AGBL3: variants seen among roughly 807,000 people sequenced by gnomAD.
The protein encoded by AGBL3 is AGBL carboxypeptidase 3.
Under a neutral mutation model 94.5 loss-of-function variants are expected in AGBL3, and 68 were observed. The observed-to-expected ratio is 0.72, with a 90% CI of 0.59 to 0.88. The LOEUF (loss-of-function observed/expected upper bound fraction) is 0.88, where lower values mean the gene tolerates loss of function less well. AGBL3 is among the 40% of genes least tolerant of loss of function. The pLI, the probability that AGBL3 is intolerant of heterozygous loss-of-function variation, is 0.00. For synonymous variants in AGBL3, 354 were observed against 370.7 expected (o/e 0.95, Z 0.52); for missense variants, 934 against 1,103.8 (o/e 0.85, Z 2.18).
intron 15 of AGBL3, among the ~76,000 whole-genome samples, chr7:135,104,699 A>G (rs1585138449): frequency 6.6e-6 from 1 of 151,130 alleles, no homozygotes; most frequent in South Asian, 2.1e-4. Context: ...GCTTTATTTC[A>G]TATGCCTTTT....
At position 134,987,991 on chromosome 7, in the gene AGBL3, G is replaced by A. The variant is rs1452966048; in HGVS notation, c.58G>A (p.Glu20Lys). The change falls in exon 2 of 17, where the codon GAA (glutamate) becomes AAA (lysine). Residue 20 changes from glutamate to lysine, a missense_variant. By Grantham distance (56) the Glu-to-Lys change is moderately conservative. Transcript: ENST00000436302. ...AGACAGAACAATCAGTGATGAAGAT[G>A]AATCGGTATGTTTTTCTCAACTTTA... ...YSDRTISDED[E>K]SDEDMFMKFV... 2 of 1,540,782 alleles carry A rather than the reference G, an allele frequency of 1.3e-6. No homozygotes were observed. Among genetic ancestry groups the A allele is most frequent in the Admixed American group, 2.0e-5 (1 of 49,300 alleles).
intron 13 of AGBL3, among the ~76,000 whole-genome samples, chr7:135,078,581 C>T (rs975477786): frequency 6.6e-6 from 1 of 152,048 alleles, no homozygotes; most frequent in Admixed American, 6.6e-5. Context: ...TGGTTTTCCT[C>T]ACGTATCCAA....
intron 12 of AGBL3, among the ~76,000 whole-genome samples, chr7:135,069,404 C>A (rs1819669888): frequency 1.3e-5 from 2 of 152,222 alleles, no homozygotes; most frequent in African/African-American, 2.4e-5. Flanking sequence ...CTCTCCACCC[C>A]AAATCAACAG....
chr7:135,032,235 G>C (rs907440371), intron 5 of AGBL3, among the ~76,000 whole-genome samples: 6 of 152,114 alleles, frequency 3.9e-5, no homozygotes, highest in African/African-American at 1.2e-4. Flanking sequence ...GTCATTTATG[G>C]TGAAAGGGCA....
chr7:135,018,032 A>G (rs905868878), intron 5 of AGBL3, among the ~76,000 whole-genome samples: 1 of 151,578 alleles, frequency 6.6e-6, no homozygotes, highest in African/African-American at 2.4e-5. Flanking sequence ...CAGGAATTAG[A>G]TAGCATACTC....
intron 11 of AGBL3, among the ~76,000 whole-genome samples, chr7:135,050,506 C>T (rs771478714): frequency 2.6e-5 from 4 of 151,812 alleles, no homozygotes; most frequent in African/African-American, 7.3e-5. Flanking sequence ...ATTGTATTGC[C>T]GTTTCTCTCT....
chr7:135,110,512 T>C (rs1825473503), intron 15 of AGBL3, among the ~76,000 whole-genome samples: 1 of 152,152 alleles, frequency 6.6e-6, no homozygotes, highest in Non-Finnish European at 1.5e-5. Context: ...CCTCCTGACC[T>C]GGGAGCTGCA....
intron 16 of AGBL3, chr7:135,128,502 T>A: frequency 1.3e-6 from 1 of 758,006 alleles, no homozygotes; most frequent in South Asian, 1.3e-5. Flanking sequence ...GTATTTACGA[T>A]GGAGATGAAT....
rs1406783303 is a variant in AGBL3 at position 135,072,377 on chromosome 7, C to T, written c.1909-4020C>T. 2.6e-5 allele frequency among the ~76,000 whole-genome samples: 4 copies of T among 152,264 alleles called. No individual in the cohort carries two copies. The East Asian group carries it at 7.7e-4, about 29-fold the overall frequency. ...GTGGCAATTCCTCAGGGATCCAGAACTAGAAATACCATTTGACCCAGCCTT... is the reference window on the plus strand; with the variant it reads ...GTGGCAATTCCTCAGGGATCCAGAATTAGAAATACCATTTGACCCAGCCTT... On this transcript the variant is annotated intron_variant, in intron 12 of 16. Coordinates refer to ENST00000436302, the MANE Select transcript of AGBL3 (RefSeq NM_178563.4).
intron 15 of AGBL3, among the ~76,000 whole-genome samples, chr7:135,088,785 C>T (rs1821539971): frequency 6.6e-6 from 1 of 152,120 alleles, no homozygotes; most frequent in Non-Finnish European, 1.5e-5. Context: ...ATGCTTTTCT[C>T]TTGCTGTTTG....
At chr7:135,131,254 G>A (rs1828719944) in intron 16 of AGBL3, among the ~76,000 whole-genome samples, 2 of 152,030 alleles carry the variant, frequency 1.3e-5, no homozygotes, top group African/African-American at 4.8e-5. Context: ...ATAAGTGGGA[G>A]TTGAACAGTG....
chr7:135,055,061 T>A (rs577217673), intron 11 of AGBL3, among the ~76,000 whole-genome samples: 1 of 152,040 alleles, frequency 6.6e-6, no homozygotes, highest in Non-Finnish European at 1.5e-5. Flanking sequence ...CCAAGGGACA[T>A]CTTTGCTTTA....
chr7:135,117,870 C>A (rs770197338), intron 16 of AGBL3, among the ~76,000 whole-genome samples: 3 of 152,184 alleles, frequency 2.0e-5, no homozygotes, highest in Admixed American at 6.5e-5. Context: ...TGACCTCTAC[C>A]CACTGGCATG....
chr7:135,067,269 T>G (rs1424089086), intron 12 of AGBL3, among the ~76,000 whole-genome samples: 1 of 152,190 alleles, frequency 6.6e-6, no homozygotes, highest in East Asian at 1.9e-4. Context: ...CCACCGCAGC[T>G]CAAGGAGGCC....
At position 134,989,243 on chromosome 7, in the gene AGBL3, A is replaced by C. The variant is rs1358257301; in HGVS notation, c.64-7A>C. On this transcript the variant is annotated splice_polypyrimidine_tract_variant and splice_region_variant and intron_variant, in intron 2 of 16. Coordinates refer to ENST00000436302, the MANE Select transcript of AGBL3 (RefSeq NM_178563.4). ...AAAAGAGAAATATTTTTAAATTCTT[A>C]TTTTAGGATGAGGATATGTTCATGA... is the stretch of plus-strand genomic sequence containing the variant. The C allele has an allele frequency of 3.3e-6, 5 of 1,533,496 alleles. No individual in the cohort carries two copies. The highest frequency in any genetic ancestry group is 1.8e-6 in the Non-Finnish European group (2 of 1,137,782). 95.0% of individuals were successfully genotyped at this position (1,533,496 alleles called of 1,614,324 possible).
chr7:135,030,299 A>G (rs1815591177), intron 5 of AGBL3, among the ~76,000 whole-genome samples: 2 of 152,180 alleles, frequency 1.3e-5, no homozygotes, highest in Admixed American at 1.3e-4. Context: ...CTCTCAATAA[A>G]CCAATTTTAA....
chr7:135,045,581 A>G lies in AGBL3; in HGVS notation c.1728+7A>G. 6.5e-7 allele frequency: 1 copy of G among 1,548,606 alleles called. No individual in the cohort carries two copies. The highest frequency in any genetic ancestry group is 2.4e-5 in the East Asian group (1 of 40,884). On this transcript the variant is annotated splice_region_variant and intron_variant, in intron 10 of 16. Coordinates refer to ENST00000436302, the MANE Select transcript of AGBL3 (RefSeq NM_178563.4). ...TGATCCCGACCGGACCAAGGTAAGCAAAGTCCATTTGGTAATGCATCAGAC... is the reference window on the plus strand; with the variant it reads ...TGATCCCGACCGGACCAAGGTAAGCGAAGTCCATTTGGTAATGCATCAGAC...
chr7:135,073,073 AT>A (rs1269430012), intron 12 of AGBL3, among the ~76,000 whole-genome samples: 1 of 152,136 alleles, frequency 6.6e-6, no homozygotes, highest in African/African-American at 2.4e-5. Context: ...AAAGACAAAT[AT>A]TACATGATCT....
At chr7:135,122,358 C>T (rs1468784442) in intron 16 of AGBL3, among the ~76,000 whole-genome samples, 1 of 152,192 alleles carries the variant, frequency 6.6e-6, no homozygotes, top group Admixed American at 6.5e-5. Flanking sequence ...ATAACTCCAG[C>T]CAGAGGCTCA....
Sources: gnomAD v4.1 joint callset for allele counts (sites outside exome capture counted in the v4.1 genomes callset) on GRCh38, gnomAD v4.1.1 for gene constraint, MANE v1.5 for transcripts, NCBI Gene and HGNC (gene_info 2026-07-23, HGNC 2026-07-21) for gene names.